The following DENND1A variants were observed in gnomAD, a reference collection of about 807,000 sequenced individuals.
DENND1A encodes DENN domain-containing protein 1A.
In DENND1A, 51 loss-of-function variants were observed where a neutral mutation model predicts 113.7. The ratio of observed to expected loss-of-function variants is 0.45; its 90% CI spans 0.36 to 0.57. DENND1A has a LOEUF of 0.57. Ranked by LOEUF, DENND1A falls within the 20% of genes least tolerant of loss-of-function variation. The pLI is 0.00. For synonymous variants in DENND1A, 565 were observed against 570.8 expected (o/e 0.99, Z 0.14); for missense variants, 1,258 against 1,395.9 (o/e 0.90, Z 1.57).
intron 1 of DENND1A, among the ~76,000 whole-genome samples, chr9:123,909,906 C>G (rs1457917402): frequency 6.6e-6 from 1 of 151,640 alleles, no homozygotes; most frequent in East Asian, 1.9e-4. Context: ...TAGAAAATGA[C>G]ATTTAAAAAG....
chr9:123,914,125 A>G (rs1243389423), intron 1 of DENND1A, among the ~76,000 whole-genome samples: 1 of 152,002 alleles, frequency 6.6e-6, no homozygotes, highest in African/African-American at 2.4e-5. Context: ...AAGAAACACA[A>G]GAAGGGTCAA....
At chr9:123,689,276 T>C (rs901116619) in intron 5 of DENND1A, among the ~76,000 whole-genome samples, 2 of 152,166 alleles carry the variant, frequency 1.3e-5, no homozygotes, top group African/African-American at 4.8e-5. Flanking sequence ...CCACCTGCCT[T>C]GGCCTCCCAA....
At chr9:123,557,461 T>A in intron 13 of DENND1A, 109 bp downstream of exon 13, 1 of 1,507,016 alleles carries the variant, frequency 6.6e-7, no homozygotes, top group Non-Finnish European at 9.0e-7. Flanking sequence ...CACAAGCTCT[T>A]CTAGATGAAT....
At chr9:123,657,612 C>T (rs748975896) in intron 8 of DENND1A, among the ~76,000 whole-genome samples, 24 of 152,190 alleles carry the variant, frequency 1.6e-4, no homozygotes, top group Non-Finnish European at 3.1e-4. Flanking sequence ...CCACTTCATA[C>T]ATGGTACACA....
intron 2 of DENND1A, among the ~76,000 whole-genome samples, chr9:123,833,293 A>G (rs1006686404): frequency 5.3e-5 from 8 of 152,162 alleles, no homozygotes; most frequent in Non-Finnish European, 1.0e-4. Context: ...ATAATCCATC[A>G]AACTGTTAAC....
At chr9:123,507,825 A>AAAATAAATAAATAAAT (rs35086659) in intron 13 of DENND1A, among the ~76,000 whole-genome samples, 4 of 148,744 alleles carry the variant, frequency 2.7e-5, no homozygotes, top group South Asian at 2.1e-4. Flanking sequence ...AACCTATCTC[A>AAAATAAATAAATAAAT]AAATAAATAA....
At chr9:123,769,939 G>A (rs1430226537) in intron 3 of DENND1A, among the ~76,000 whole-genome samples, 3 of 152,102 alleles carry the variant, frequency 2.0e-5, no homozygotes, top group African/African-American at 7.2e-5. Flanking sequence ...TGGCAGGGCC[G>A]CTGTTGCTGG....
intron 1 of DENND1A, among the ~76,000 whole-genome samples, chr9:123,883,946 T>C (rs1482666656): frequency 6.6e-6 from 1 of 151,840 alleles, no homozygotes; most frequent in Non-Finnish European, 1.5e-5. Context: ...TGCTTATCCA[T>C]GATCATTTCC....
intron 5 of DENND1A, among the ~76,000 whole-genome samples, chr9:123,725,701 G>A (rs1204119688): frequency 2.6e-5 from 4 of 152,214 alleles, no homozygotes; most frequent in African/African-American, 4.8e-5. Flanking sequence ...CAGACTGTAC[G>A]GGCCTCACTG....
At chr9:123,449,887 T>G (rs1030235817) in intron 18 of DENND1A, among the ~76,000 whole-genome samples, 6 of 152,008 alleles carry the variant, frequency 3.9e-5, no homozygotes, top group African/African-American at 1.5e-4. Context: ...CAAATTGGGT[T>G]CAGTGTACGC....
chr9:123,396,011 CAAAG>C (rs1428905181), intron 21 of DENND1A, among the ~76,000 whole-genome samples: 1 of 151,662 alleles, frequency 6.6e-6, no homozygotes, highest in Non-Finnish European at 1.5e-5. Flanking sequence ...GCGTGTGAGA[CAAAG>C]AGAAAGCTAC....
chr9:123,642,453 C>T (rs543657471), intron 9 of DENND1A, among the ~76,000 whole-genome samples: 5 of 152,334 alleles, frequency 3.3e-5, no homozygotes, highest in African/African-American at 1.2e-4. Flanking sequence ...TTAAGGATTT[C>T]CCTCTTCACC....
chr9:123,576,560 G>C (rs571431360), intron 12 of DENND1A, among the ~76,000 whole-genome samples: 1 of 152,144 alleles, frequency 6.6e-6, no homozygotes, highest in South Asian at 2.1e-4. Context: ...GTGCAGTGGG[G>C]CAGCCTCGGC....
intron 3 of DENND1A, among the ~76,000 whole-genome samples, chr9:123,772,333 A>G (rs539763322): frequency 8.1e-4 from 123 of 152,324 alleles, no homozygotes; most frequent in Non-Finnish European, 1.5e-3. Flanking sequence ...ATATATTTTG[A>G]GTACCACATT....
chr9:123,843,119 A>T, intron 2 of DENND1A: 1 of 547,204 alleles, frequency 1.8e-6, no homozygotes, highest in South Asian at 1.4e-5. Context: ...TCATTCCATC[A>T]TTCTTCTTGG....
chr9:123,465,888 T>C (rs530472333), intron 13 of DENND1A, among the ~76,000 whole-genome samples: 1 of 152,356 alleles, frequency 6.6e-6, no homozygotes, highest in African/African-American at 2.4e-5. Flanking sequence ...TGCTAACTCA[T>C]ATGTACAATT....
chr9:123,885,926 C>T (rs903333153), intron 1 of DENND1A, among the ~76,000 whole-genome samples: 2 of 152,100 alleles, frequency 1.3e-5, no homozygotes, highest in African/African-American at 4.8e-5. Context: ...ATTACAGGCA[C>T]CTGCCACCAT....
chr9:123,770,954 T>C (rs900025100), intron 3 of DENND1A, among the ~76,000 whole-genome samples: 1 of 152,216 alleles, frequency 6.6e-6, no homozygotes, highest in Non-Finnish European at 1.5e-5. Context: ...TGCCAGAGCA[T>C]GTTCCGCCTA....
At chr9:123,888,631 C>T (rs896602753) in intron 1 of DENND1A, among the ~76,000 whole-genome samples, 2 of 152,172 alleles carry the variant, frequency 1.3e-5, no homozygotes, top group African/African-American at 2.4e-5. Flanking sequence ...GTGGAAGGAC[C>T]TTCTAGAAAA....
Sources: gnomAD v4.1 joint callset for allele counts (sites outside exome capture counted in the v4.1 genomes callset) on GRCh38, gnomAD v4.1.1 for gene constraint, MANE v1.5 for transcripts, NCBI Gene and HGNC (gene_info 2026-07-23, HGNC 2026-07-21) for gene names.